STT3A: variants seen among roughly 807,000 people sequenced by gnomAD.
STT3A encodes STT3 oligosaccharyltransferase complex catalytic subunit A.
In STT3A, 34 loss-of-function variants were observed where a neutral mutation model predicts 89.2. That is an observed-to-expected ratio of 0.38 (90% CI 0.29 to 0.51). The LOEUF is 0.51. STT3A is among the 20% of genes least tolerant of loss of function. The pLI, the probability that STT3A is intolerant of heterozygous loss-of-function variation, is 0.89. For synonymous variants in STT3A, 282 were observed against 310.3 expected (o/e 0.91, Z 0.96); for missense variants, 555 against 889.5 (o/e 0.62, Z 4.78).
At position 125,604,142 on chromosome 11, in the gene STT3A, C is replaced by T; in HGVS notation, c.418-15C>T. ...GTATTGGTGTTAATGTCTTATTACC[C>T]TTTTTTTCTTACAGGATGCAGGGGC... On this transcript the variant is annotated splice_polypyrimidine_tract_variant and intron_variant, in intron 5 of 17. Transcript: ENST00000392708. 1 of 1,613,194 alleles carries T rather than the reference C, an allele frequency of 6.2e-7. No homozygotes were observed. The highest frequency in any genetic ancestry group is 1.1e-5 in the South Asian group (1 of 91,026).
intron 4 of STT3A, 162 bp from the exon 5 acceptor site, chr11:125,602,641 C>T: frequency 9.0e-7 from 1 of 1,110,330 alleles, no homozygotes; most frequent in Non-Finnish European, 1.3e-6. Context: ...CTGATTGAAT[C>T]CTTAGGGGAG....
Position 125,614,332 on chromosome 11 carries a change from G to T in STT3A, c.1680G>T (p.Ala560=). ...TACATTTGTTTTTCCAGGCAATGGC[G>T]TCCACAGAGGAAAAAGCCTATGAGA... ...THISRVGQAM[A]STEEKAYEIM... is the part of the protein sequence containing the mutation. The change falls in exon 15 of 18, where the codon GCG becomes GCT. Residue 560 remains alanine (A), a synonymous_variant. Coordinates refer to ENST00000392708, the MANE Select transcript of STT3A (RefSeq NM_152713.5). The surrounding 1 kb of genome is among the most constrained non-coding windows in gnomAD (Gnocchi z 4.9). 1.2e-6 allele frequency: 2 copies of T among 1,614,046 alleles called. No homozygotes were observed. The highest frequency in any genetic ancestry group is 1.7e-6 in the Non-Finnish European group (2 of 1,180,016).
chr11:125,610,057 C>CTTTTTTTTTTTTTTTTTTTTTTTTTT (rs66578574), intron 10 of STT3A, among the ~76,000 whole-genome samples: 2 of 106,038 alleles, frequency 1.9e-5, no homozygotes, highest in Non-Finnish European at 3.9e-5. Flanking sequence ...TAACTTTTAC[C>CTTTTTTTTTTTTTTTTTTTTTTTTTT]TTTTTTTTTT....
intron 1 of STT3A, chr11:125,593,656 G>A (rs1037405229): frequency 6.6e-6 from 1 of 152,218 alleles, no homozygotes; most frequent in Non-Finnish European, 1.5e-5. Flanking sequence ...GAAAACAGCT[G>A]CAAACCCTGA....
At chr11:125,599,599 G>T (rs955906148) in intron 3 of STT3A, among the ~76,000 whole-genome samples, 4 of 151,138 alleles carry the variant, frequency 2.6e-5, no homozygotes, top group Non-Finnish European at 4.4e-5. Context: ...TTTGTAGATT[G>T]GGTCTTGTTA....
At chr11:125,616,725 T>C (rs544830433) in intron 15 of STT3A, among the ~76,000 whole-genome samples, 2 of 152,340 alleles carry the variant, frequency 1.3e-5, no homozygotes, top group East Asian at 3.9e-4. Flanking sequence ...TCACCCAGGC[T>C]GGAGTTCAGT....
At chr11:125,598,594 A>G (rs2135907871) in intron 3 of STT3A, among the ~76,000 whole-genome samples, 1 of 151,974 alleles carries the variant, frequency 6.6e-6, no homozygotes, top group East Asian at 1.9e-4. Flanking sequence ...GAATGAGGAG[A>G]CATGTCCTTT....
chr11:125,597,291 C>T (rs372386670), intron 3 of STT3A, among the ~76,000 whole-genome samples, 172 bp downstream of exon 3: 5 of 151,558 alleles, frequency 3.3e-5, no homozygotes, highest in African/African-American at 9.7e-5. Context: ...CCTTTTAAGA[C>T]GTATGTGTTG....
intron 16 of STT3A, among the ~76,000 whole-genome samples, chr11:125,619,175 G>A (rs927742190): frequency 5.3e-5 from 8 of 151,762 alleles, no homozygotes; most frequent in Admixed American, 3.3e-4. Flanking sequence ...TCAGCCTCCC[G>A]AGTAGCTAGA....
chr11:125,597,002 T>C (rs1939517733), intron 2 of STT3A, 57 bp from the exon 3 acceptor site: 1 of 1,555,188 alleles, frequency 6.4e-7, no homozygotes, highest in Non-Finnish European at 8.9e-7. Context: ...TAATACTATA[T>C]CTGCTGTTCT....
chr11:125,597,844 GCACTA>G (rs1349555592), intron 3 of STT3A, among the ~76,000 whole-genome samples: 3 of 152,168 alleles, frequency 2.0e-5, no homozygotes, highest in African/African-American at 7.2e-5. Flanking sequence ...TTTGTTCCAA[GCACTA>G]ATTTACAGAT....
intron 10 of STT3A, 82 bp from the exon 11 acceptor site, chr11:125,611,346 C>A: frequency 9.8e-7 from 1 of 1,015,320 alleles, no homozygotes. Context: ...TGGAATCATC[C>A]AGTCATATAA....
At chr11:125,594,016 C>T (rs1939403866) in intron 1 of STT3A, among the ~76,000 whole-genome samples, 1 of 152,000 alleles carries the variant, frequency 6.6e-6, no homozygotes. Context: ...GTATAATTAA[C>T]AACAAAAATA....
At position 125,602,437 on chromosome 11, in the gene STT3A, G is replaced by C. The variant is rs560715071; in HGVS notation, c.271+13G>C. On this transcript the variant is annotated intron_variant, in intron 4 of 17. Transcript: ENST00000392708. ...ACAATTTACCCAGGTGAGGAGACCA[G>C]ATGTGTTTTTTTTTTTAAAAAAAAA... The C allele has an allele frequency of 6.4e-7, 1 of 1,558,158 alleles. No homozygotes were observed. The highest frequency in any genetic ancestry group is 1.2e-5 in the South Asian group (1 of 81,720).
At chr11:125,616,136 C>T (rs1398093664) in intron 15 of STT3A, among the ~76,000 whole-genome samples, 1 of 152,290 alleles carries the variant, frequency 6.6e-6, no homozygotes, top group South Asian at 2.1e-4. Context: ...GTAGTTGTCC[C>T]TCTGTATCCA....
intron 11 of STT3A, 36 bp downstream of exon 11, chr11:125,611,555 C>G (rs1005025034): frequency 5.7e-6 from 9 of 1,585,754 alleles, no homozygotes; most frequent in South Asian, 2.2e-5. Flanking sequence ...CTTTTTCACT[C>G]TAACTCTGAG....
chr11:125,592,425 A>G, upstream of STT3A: 1 of 456,258 alleles, frequency 2.2e-6, no homozygotes, highest in African/African-American at 2.0e-5. Flanking sequence ...TACCTTAAAA[A>G]AGACGGGAGA....
At position 125,602,327 on chromosome 11, in the gene STT3A, G is replaced by T. The variant is rs1393305367; in HGVS notation, c.174G>T (p.Arg58Ser). 1.2e-6 allele frequency: 2 copies of T among 1,613,770 alleles called. No homozygotes were observed. The highest frequency in any genetic ancestry group is 1.7e-5 in the Admixed American group (1 of 59,950). ...FDPYFNYRTT[R>S]FLAEEGFYKF... ...GGTACTTTAATTATCGGACTACCAG[G>T]TTCCTGGCTGAGGAGGGGTTTTATA... Residue 58 changes from arginine (R) to serine (S), a missense_variant, in exon 4 of 18, where the codon AGG (arginine) becomes AGT (serine). By Grantham distance (110) the Arg-to-Ser change is moderately radical. This residue lies in a region of STT3A where 129 missense variants were observed against 193.2 expected (regional missense o/e 0.67). Transcript: ENST00000392708.
At chr11:125,608,612 C>T (rs1345589393) in intron 9 of STT3A, among the ~76,000 whole-genome samples, 4 of 152,242 alleles carry the variant, frequency 2.6e-5, no homozygotes, top group Non-Finnish European at 5.9e-5. Context: ...AGGCGTGAGC[C>T]ACTGCACCCG....
Sources: gnomAD v4.1 joint callset for allele counts (sites outside exome capture counted in the v4.1 genomes callset) on GRCh38, gnomAD v4.1.1 for gene constraint, gnomAD v4.1.1 regional missense constraint, Gnocchi (gnomAD v3.1) non-coding constraint, MANE v1.5 for transcripts, NCBI Gene and HGNC (gene_info 2026-07-23, HGNC 2026-07-21) for gene names.